Variants in GNA14 observed in about 807,000 individuals in gnomAD.
The protein encoded by GNA14 is G protein subunit alpha 14, also known as guanine nucleotide-binding protein subunit alpha-14.
GNA14 carries 50 observed loss-of-function variants against 42.0 expected under a neutral mutation model. That is an observed-to-expected ratio of 1.19 (90% confidence interval 0.95 to 1.51). The LOEUF (loss-of-function observed/expected upper bound fraction) is 1.51. GNA14 is among the 40% of genes most tolerant of loss of function. The pLI, the probability that GNA14 is intolerant of heterozygous loss-of-function variation, is 0.00. For synonymous variants in GNA14, 173 were observed against 163.1 expected (o/e 1.06, Z -0.46); for missense variants, 473 against 446.2 (o/e 1.06, Z -0.54).
chr9:77,437,914 G>C (rs1181726007), intron 2 of GNA14, among the ~76,000 whole-genome samples: 1 of 152,244 alleles, frequency 6.6e-6, no homozygotes, highest in Non-Finnish European at 1.5e-5. Context: ...CTACTGCACA[G>C]ATCCTGACTG....
At chr9:77,565,483 A>G (rs2131791902) in intron 1 of GNA14, among the ~76,000 whole-genome samples, 1 of 152,276 alleles carries the variant, frequency 6.6e-6, no homozygotes, top group East Asian at 1.9e-4. Context: ...TTTGAGACAG[A>G]GTCTCACTCT....
intron 2 of GNA14, among the ~76,000 whole-genome samples, chr9:77,480,295 T>A (rs144975557): frequency 0.027 from 4,106 of 152,328 alleles, 188 homozygotes; most frequent in African/African-American, 0.094. Context: ...CTTTTCTGCA[T>A]CTATTGAGAT....
At chr9:77,472,085 G>C (rs1407266235) in intron 2 of GNA14, among the ~76,000 whole-genome samples, 2 of 152,086 alleles carry the variant, frequency 1.3e-5, no homozygotes, top group African/African-American at 4.8e-5. Context: ...GGCAGTGCTT[G>C]TCCAAGTAAA....
At chr9:77,432,877 G>A (rs975269212) in intron 3 of GNA14, among the ~76,000 whole-genome samples, 5 of 152,174 alleles carry the variant, frequency 3.3e-5, no homozygotes, top group African/African-American at 1.2e-4. Context: ...CAGGAACGTC[G>A]TACCTGTTCC....
At chr9:77,625,905 T>C (rs1824006123) in intron 1 of GNA14, among the ~76,000 whole-genome samples, 1 of 152,096 alleles carries the variant, frequency 6.6e-6, no homozygotes, top group African/African-American at 2.4e-5. Context: ...TAAATGTAAA[T>C]GGGCTAAATG....
chr9:77,616,844 G>A (rs1475908308), intron 1 of GNA14, among the ~76,000 whole-genome samples: 1 of 152,090 alleles, frequency 6.6e-6, no homozygotes, highest in East Asian at 1.9e-4. Flanking sequence ...AGATAAAGAT[G>A]TTAAATCCCT....
intron 5 of GNA14, among the ~76,000 whole-genome samples, chr9:77,426,725 C>A (rs7860724): frequency 0.38 from 58,492 of 152,048 alleles, 11,469 homozygotes; most frequent in Middle Eastern, 0.52. Flanking sequence ...ATTAAATGCT[C>A]CTAATTTACT....
At chr9:77,637,753 C>T (rs1215453248) in intron 1 of GNA14, among the ~76,000 whole-genome samples, 1 of 152,130 alleles carries the variant, frequency 6.6e-6, no homozygotes, top group Non-Finnish European at 1.5e-5. Context: ...ACTCGGCAGG[C>T]TGAGGTGGAA....
At chr9:77,590,709 TA>T (rs753393966) in intron 1 of GNA14, among the ~76,000 whole-genome samples, 1,755 of 143,940 alleles carry the variant, frequency 0.012, 11 homozygotes, top group Non-Finnish European at 0.019. Flanking sequence ...GGTCACACAT[TA>T]AAAAAAAAAA....
At chr9:77,620,656 G>T (rs184579715) in intron 1 of GNA14, among the ~76,000 whole-genome samples, 151 of 152,122 alleles carry the variant, frequency 9.9e-4, no homozygotes, top group African/African-American at 3.3e-3. Flanking sequence ...AGACCAGCCT[G>T]GCCAGCATGG....
chr9:77,436,553 T>C (rs1013177867), intron 2 of GNA14, among the ~76,000 whole-genome samples: 4 of 152,180 alleles, frequency 2.6e-5, no homozygotes, highest in Non-Finnish European at 4.4e-5. Flanking sequence ...GCGAGAATGA[T>C]GGATGGAGAA....
At chr9:77,447,027 A>G (rs1054031719) in intron 2 of GNA14, among the ~76,000 whole-genome samples, 6 of 151,410 alleles carry the variant, frequency 4.0e-5, no homozygotes, top group African/African-American at 1.5e-4. Flanking sequence ...GCAATGGCAC[A>G]ATCTCGGCTC....
intron 1 of GNA14, among the ~76,000 whole-genome samples, chr9:77,558,574 G>A (rs959673120): frequency 8.5e-5 from 13 of 152,240 alleles, no homozygotes; most frequent in Admixed American, 7.9e-4. Context: ...CTCCCAGATC[G>A]TACATCTAAC....
At chr9:77,459,236 A>AG (rs1198123552) in intron 2 of GNA14, among the ~76,000 whole-genome samples, 4 of 84,736 alleles carry the variant, frequency 4.7e-5, no homozygotes, top group Admixed American at 9.6e-5. Flanking sequence ...ACCCAGTCTC[A>AG]GGGAAAAAAA....
intron 1 of GNA14, among the ~76,000 whole-genome samples, chr9:77,583,063 G>A (rs1275680957): frequency 1.3e-5 from 2 of 152,222 alleles, no homozygotes. Context: ...AGAAGGCAGT[G>A]CTCAGACACT....
intron 1 of GNA14, among the ~76,000 whole-genome samples, chr9:77,608,947 A>G (rs1339793576): frequency 2.6e-5 from 4 of 151,860 alleles, no homozygotes; most frequent in Non-Finnish European, 5.9e-5. Flanking sequence ...TCACATCCAT[A>G]CTATCTCCTT....
chr9:77,465,049 A>G (rs1489942227), intron 2 of GNA14, among the ~76,000 whole-genome samples: 1 of 152,202 alleles, frequency 6.6e-6, no homozygotes, highest in Non-Finnish European at 1.5e-5. Flanking sequence ...CTTTGGAGGG[A>G]GGATGGCTCT....
Position 77,506,854 on chromosome 9 carries a change from G to A in GNA14, c.309+22215C>T, listed in dbSNP as rs73458079. On this transcript the variant is annotated intron_variant, in intron 2 of 6. Transcript: ENST00000341700. ...GCAAAGAGTTAGAAAACAAATTAGT[G>A]CTCATTTGCAGCAACTACCTTTCAT... Among the ~76,000 whole-genome samples the A allele has an allele frequency of 6.1e-3, 922 of 152,208 alleles. 9 individuals carry two copies. Among genetic ancestry groups the A allele is most frequent in the African/African-American group, 0.021 (874 of 41,516 alleles).
At chr9:77,439,103 T>C (rs1273482331) in intron 2 of GNA14, among the ~76,000 whole-genome samples, 1 of 152,170 alleles carries the variant, frequency 6.6e-6, no homozygotes, top group East Asian at 1.9e-4. Flanking sequence ...GTCATTTTTG[T>C]CCCTCTGAAT....
Sources: gnomAD v4.1 joint callset for allele counts (sites outside exome capture counted in the v4.1 genomes callset) on GRCh38, gnomAD v4.1.1 for gene constraint, MANE v1.5 for transcripts, NCBI Gene and HGNC (gene_info 2026-07-23, HGNC 2026-07-21) for gene names.